Variants in DNAH10 observed in about 807,000 individuals in gnomAD.
The protein encoded by DNAH10 is dynein axonemal heavy chain 10, also known as axonemal beta dynein heavy chain 10.
In DNAH10, 348 loss-of-function variants were observed where a neutral mutation model predicts 506.6. That is an observed-to-expected ratio of 0.69 (90% confidence interval 0.63 to 0.75). The LOEUF (loss-of-function observed/expected upper bound fraction) is 0.75. Among genes scored for constraint, DNAH10 ranks in the 30% least tolerant of loss-of-function variants. The probability of loss-of-function intolerance (pLI) is 0.00; values close to 1 mark genes in which losing one functional copy is unlikely to be tolerated. For synonymous variants in DNAH10, 2,059 were observed against 2,198.6 expected (o/e 0.94, Z 1.78); for missense variants, 5,179 against 5,787.1 (o/e 0.89, Z 3.41).
chr12:123,848,057 T>C lies in DNAH10; in HGVS notation c.5911T>C (p.Cys1971Arg). ...KDLAKALGLL[C>R]VVTNCGEGMD... ...CCTGGCGAAAGCCTTGGGCTTGCTC[T>C]GTGTTGTCACCAACTGTGGCGAAGG... The change falls in exon 33 of 79, where the codon TGT becomes CGT. Residue 1971 changes from cysteine (C) to arginine (R), a missense_variant. Physicochemically the swap from Cys to Arg is radical, Grantham distance 180. Transcript: ENST00000673944. The C allele has an allele frequency of 1.2e-6, 2 of 1,613,956 alleles. No individual in the cohort carries two copies. The highest frequency in any genetic ancestry group is 1.7e-6 in the Non-Finnish European group (2 of 1,179,846).
intron 47 of DNAH10, among the ~76,000 whole-genome samples, 185 bp from the exon 48 acceptor site, chr12:123,877,550 AG>A (rs1202962636): frequency 2.0e-5 from 3 of 152,164 alleles, no homozygotes; most frequent in African/African-American, 7.2e-5. Flanking sequence ...TCCTGACCTC[AG>A]GTGATCTGCC....
At chr12:123,769,538 A>G (rs948113887) in intron 2 of DNAH10, among the ~76,000 whole-genome samples, 36 of 152,126 alleles carry the variant, frequency 2.4e-4, no homozygotes, top group African/African-American at 8.5e-4. Context: ...CTGCTGAGGT[A>G]TCCTAGGAAG....
In DNAH10 at chr12:123,787,835, T is replaced by C. The variant is rs139225647; in HGVS notation, c.1453T>C (p.Leu485=). ...ENRASAQSKT[L]EARNTLRLWK... ...TCGAGCGAGTGCCCAAAGCAAAACC[T>C]TGGAAGCCAGGAACACCCTCAGGCT... The change falls in exon 10 of 79, where the codon TTG becomes CTG. Residue 485 remains leucine, a synonymous_variant. Coordinates refer to ENST00000673944, the MANE Select transcript of DNAH10 (RefSeq NM_001372106.1). This position sits in a 1 kb window ranked among gnomAD's most constrained non-coding sequence, Gnocchi z 4.6. 15,506 of 1,613,974 alleles carry C rather than the reference T, an allele frequency of 9.6e-3. 112 individuals carry two copies. The highest frequency in any genetic ancestry group is 0.011 in the Non-Finnish European group (12,901 of 1,179,972).
rs1954916283 is a variant in DNAH10 at position 123,925,785 on chromosome 12, G to C, written c.11921+581G>C. 1 of 152,470 alleles carries C rather than the reference G, an allele frequency of 6.6e-6. No homozygotes were observed. The highest frequency in any genetic ancestry group is 2.4e-5 in the African/African-American group (1 of 41,450). 9.4% of individuals were successfully genotyped at this position (152,470 alleles called of 1,614,324 possible). ...GAGGCTGGGTGGGGTCCTGGTCCCTGGGCAGCTGCCCTTAGCTCCTGCTGA... is the reference window on the plus strand; with the variant it reads ...GAGGCTGGGTGGGGTCCTGGTCCCTCGGCAGCTGCCCTTAGCTCCTGCTGA... On this transcript the variant is annotated intron_variant, in intron 68 of 78. Transcript: ENST00000673944. The surrounding 1 kb of genome is among the most constrained non-coding windows in gnomAD (Gnocchi z 4.0).
At chr12:123,823,045 A>G (rs1959587725) in intron 24 of DNAH10, among the ~76,000 whole-genome samples, 1 of 152,228 alleles carries the variant, frequency 6.6e-6, no homozygotes, top group Non-Finnish European at 1.5e-5. Flanking sequence ...TGTGCTGGAA[A>G]TGAGGTGGAC....
rs76411891 is a variant in DNAH10 at position 123,903,689 on chromosome 12, A to G, written c.9815+576A>G. ...GGGTAACGTGGTGTGGCGTGGGCTA[A>G]CAAGCTTTCTCCTCGCATGGCTTGG... On this transcript the variant is annotated intron_variant, in intron 57 of 78. Transcript: ENST00000673944. This position sits in a 1 kb window ranked among gnomAD's most constrained non-coding sequence, Gnocchi z 4.6. 0.12 allele frequency among the ~76,000 whole-genome samples: 18,251 copies of G among 152,218 alleles called. 1,266 individuals are homozygous for G. Among genetic ancestry groups the G allele is most frequent in the Middle Eastern group, 0.2 (58 of 294 alleles).
Position 123,785,818 on chromosome 12 carries a change from G to A in DNAH10, c.1303G>A (p.Val435Met), listed in dbSNP as rs116082071. The change falls in exon 9 of 79, where the codon GTG becomes ATG. Residue 435 changes from valine to methionine, a missense_variant. Val to Met is a conservative substitution (Grantham distance 21). Coordinates refer to ENST00000673944, the MANE Select transcript of DNAH10 (RefSeq NM_001372106.1). This position sits in a 1 kb window ranked among gnomAD's most constrained non-coding sequence, Gnocchi z 4.1. ...CGCCATGATGAGTGCCCTGCGGATG[G>A]TGTGGATCATCTCCCGACACTACAA... ...IPAMMSALRMVWIISRHYNKD... is the reference protein window; with the variant it reads ...IPAMMSALRMMWIISRHYNKD... The A allele has an allele frequency of 2.3e-3, 3,648 of 1,614,158 alleles. 70 individuals are homozygous for A. The African/African-American group carries it at 0.039, about 17-fold the overall frequency.
chr12:123,808,380 G>T (rs1359015828), intron 18 of DNAH10, among the ~76,000 whole-genome samples: 1 of 152,088 alleles, frequency 6.6e-6, no homozygotes, highest in Non-Finnish European at 1.5e-5. Flanking sequence ...ACTGGATGGG[G>T]TTGGGCCGGC....
In DNAH10 at chr12:123,845,779, C is replaced by A. The variant is rs200139938; in HGVS notation, c.5540C>A (p.Pro1847Gln). 6.2e-7 allele frequency: 1 copy of A among 1,613,888 alleles called. No homozygotes were observed. Among genetic ancestry groups the A allele is most frequent in the Non-Finnish European group, 8.5e-7 (1 of 1,179,872 alleles). Residue 1847 changes from proline (P) to glutamine (Q), a missense_variant, in exon 31 of 79, where the codon CCG (proline) becomes CAG (glutamine). Transcript: ENST00000673944. The stretch of plus-strand genomic sequence containing the variant: ...GAGTTGGTAACGCGCATCACCATGC[C>A]GCTAAGCAAAAACGACAGGAAAAAA... ...IDELVTRITMPLSKNDRKKYN... is the reference protein window; with the variant it reads ...IDELVTRITMQLSKNDRKKYN...
Position 123,909,426 on chromosome 12 carries a change from A to T in DNAH10, c.9981A>T (p.Gln3327His). 6.3e-7 allele frequency: 1 copy of T among 1,598,146 alleles called. No individual in the cohort carries two copies. Among genetic ancestry groups the T allele is most frequent in the Non-Finnish European group, 8.5e-7 (1 of 1,171,240 alleles). The change falls in exon 58 of 79, where the codon CAA becomes CAT. Residue 3327 changes from glutamine to histidine, a missense_variant. Physicochemically the swap from Gln to His is conservative, Grantham distance 24. Around this residue, in one of 3 missense-constraint regions of DNAH10, gnomAD observed 4,844 missense variants for 5,430.5 expected, o/e 0.89. Coordinates refer to ENST00000673944, the MANE Select transcript of DNAH10 (RefSeq NM_001372106.1). This position sits in a 1 kb window ranked among gnomAD's most constrained non-coding sequence, Gnocchi z 5.4. ...EIDFDSITQS[Q>H]VKNIKGLLKT... ...ATTTTGATTCGATTACCCAGAGCCA[A>T]GTGAAAAACATCAAAGGTGAGTGTA...
rs1376676125 is a variant in DNAH10, at chr12:123,854,663, CTG to C, written c.6438+1315_6438+1316del. Reference sequence around the variant, plus strand: ...GCAATGTGGACTTACACATGTAAAACTGTGTTTGTACAGAGACTGCGATGGTT... The same window carrying C: ...GCAATGTGGACTTACACATGTAAAACTGTTTGTACAGAGACTGCGATGGTT... On this transcript the variant is annotated intron_variant, in intron 36 of 78. Transcript: ENST00000673944. Among the ~76,000 whole-genome samples the C allele has an allele frequency of 2.6e-5, 4 of 152,194 alleles. No individual in the cohort carries two copies. The East Asian group carries it at 7.7e-4, about 29-fold the overall frequency.
chr12:123,833,251 C>T lies in DNAH10; in HGVS notation c.4683C>T (p.Asn1561=). The change falls in exon 27 of 79, where the codon AAC becomes AAT. Residue 1561 remains asparagine (N), a synonymous_variant. Coordinates refer to ENST00000673944, the MANE Select transcript of DNAH10 (RefSeq NM_001372106.1). The stretch of plus-strand genomic sequence containing the variant: ...AGTCTCTTGATGACAACACTTTCAA[C>T]CTGCAGAGCATCTCAGGAAGCAGAT... ...IIQSLDDNTF[N]LQSISGSRFV... is the part of the protein sequence containing the mutation. The T allele has an allele frequency of 6.2e-7, 1 of 1,613,886 alleles. No homozygotes were observed.
intron 9 of DNAH10, among the ~76,000 whole-genome samples, chr12:123,786,295 C>T (rs1464971701): frequency 3.4e-5 from 5 of 147,170 alleles, no homozygotes; most frequent in Admixed American, 6.8e-5. Context: ...CCAACCTGGG[C>T]GACACAGCGA....
Position 123,826,789 on chromosome 12 carries a change from C to T in DNAH10, c.4282C>T (p.Arg1428Trp), listed in dbSNP as rs771494436. 2.3e-5 allele frequency: 37 copies of T among 1,613,878 alleles called. 1 individual carries two copies. In the South Asian group the frequency reaches 2.6e-4, roughly 11 times the overall value. The change falls in exon 25 of 79, where the codon CGG (arginine) becomes TGG (tryptophan). Residue 1428 changes from arginine (R) to tryptophan (W), a missense_variant. Physicochemically the swap from Arg to Trp is moderately radical, Grantham distance 101. Transcript: ENST00000673944. Reference sequence around the variant, plus strand: ...TCTCAGGGCTCTCAGAAAGCTACCTCGGCCAGTCCGTGGCTTATCAGTGAC... The same window carrying T: ...TCTCAGGGCTCTCAGAAAGCTACCTTGGCCAGTCCGTGGCTTATCAGTGAC... ...GFLRALRKLP[R>W]PVRGLSVTYY...
chr12:123,819,154 C>T lies in DNAH10; in HGVS notation c.3904C>T (p.Arg1302Ter), dbSNP rs537556425. The change falls in exon 23 of 79, where the codon CGA (arginine) becomes TGA (stop). Residue 1302 changes from arginine to a stop codon, truncating the protein, a stop_gained. Coordinates refer to ENST00000673944, the MANE Select transcript of DNAH10 (RefSeq NM_001372106.1). LOFTEE classifies it high-confidence loss of function. The stretch of plus-strand genomic sequence containing the variant: ...GTAACCTCGTTTTTCTCAGCTTACT[C>T]GAGGCGAAATAATGAACTACAGAGT... ...DIKRTFTELT[R>*]GEIMNYRVQI... The T allele has an allele frequency of 9.9e-6, 16 of 1,612,858 alleles. No homozygotes were observed. In the East Asian group the frequency reaches 1.8e-4, roughly 18 times the overall value.
At position 123,846,595 on chromosome 12, in the gene DNAH10, C is replaced by T. The variant is rs1439860909; in HGVS notation, c.5814+441C>T. Reference sequence around the variant, plus strand: ...GTACAGGAAATGAAGATAACACTTCCATCCAGGCAGAGCTTGGGAAGGTTT... The same window carrying T: ...GTACAGGAAATGAAGATAACACTTCTATCCAGGCAGAGCTTGGGAAGGTTT... On this transcript the variant is annotated intron_variant, in intron 32 of 78. Transcript: ENST00000673944. The surrounding 1 kb of genome is among the most constrained non-coding windows in gnomAD (Gnocchi z 4.5). Among the ~76,000 whole-genome samples, 3 of 152,174 alleles carry T rather than the reference C, an allele frequency of 2.0e-5. No individual in the cohort carries two copies. Among genetic ancestry groups the T allele is most frequent in the Non-Finnish European group, 4.4e-5 (3 of 68,042 alleles).
At position 123,830,431 on chromosome 12, in the gene DNAH10, A is replaced by C; in HGVS notation, c.4392-115A>C. Reference sequence around the variant, plus strand: ...TTCTAATGATGTCCTCATGTTGCAGAATTTCATTATAAGAAGTTTACAAAA... The same window carrying C: ...TTCTAATGATGTCCTCATGTTGCAGCATTTCATTATAAGAAGTTTACAAAA... On this transcript the variant is annotated intron_variant, in intron 25 of 78. Coordinates refer to ENST00000673944, the MANE Select transcript of DNAH10 (RefSeq NM_001372106.1). The C allele has an allele frequency of 2.5e-6, 3 of 1,201,224 alleles. No homozygotes were observed. The East Asian group carries it at 7.2e-5, about 29-fold the overall frequency. The allele number at this position is 1,201,224 out of a possible 1,614,324, so 74.4% of individuals were successfully genotyped here. A position where few individuals can be genotyped will look rare whatever the true frequency, so the allele number is the denominator to read the frequency against.
chr12:123,820,671 T>G lies in DNAH10; in HGVS notation c.4092T>G (p.Leu1364=). 3.1e-6 allele frequency: 5 copies of G among 1,613,996 alleles called. No individual in the cohort carries two copies. The highest frequency in any genetic ancestry group is 4.2e-6 in the Non-Finnish European group (5 of 1,179,894). ...ELANAEKLFD[L]PITMYPELLK... is the part of the protein sequence containing the mutation. The stretch of plus-strand genomic sequence containing the variant: ...CTAACGCTGAGAAACTTTTCGATCT[T>G]CCTATTACAATGTACCCAGAGCTGC... The change falls in exon 24 of 79, where the codon CTT becomes CTG. Residue 1364 remains leucine (L), a synonymous_variant. Coordinates refer to ENST00000673944, the MANE Select transcript of DNAH10 (RefSeq NM_001372106.1).
At chr12:123,810,642 G>A (rs1290562095) in intron 19 of DNAH10, among the ~76,000 whole-genome samples, 2 of 151,934 alleles carry the variant, frequency 1.3e-5, no homozygotes, top group South Asian at 2.1e-4. Flanking sequence ...GCAGCGAGCC[G>A]AGATCGCACC....
Sources: gnomAD v4.1 joint callset for allele counts (sites outside exome capture counted in the v4.1 genomes callset) on GRCh38, gnomAD v4.1.1 for gene constraint, gnomAD v4.1.1 regional missense constraint, Gnocchi (gnomAD v3.1) non-coding constraint, MANE v1.5 for transcripts, NCBI Gene and HGNC (gene_info 2026-07-23, HGNC 2026-07-21) for gene names.